Variants in RYR3 observed in about 807,000 individuals in gnomAD.
RYR3 encodes brain ryanodine receptor-calcium release channel.
In RYR3, 207 loss-of-function variants were observed where a neutral mutation model predicts 584.3. The ratio of observed to expected loss-of-function variants is 0.35; its 90% CI spans 0.32 to 0.40. The LOEUF (loss-of-function observed/expected upper bound fraction) is 0.40. Ranked by LOEUF, RYR3 falls within the 10% of genes least tolerant of loss-of-function variation. The pLI, the probability that RYR3 is intolerant of heterozygous loss-of-function variation, is 1.00. For missense variants in RYR3, 5,616 were observed against 6,089.2 expected, an observed-to-expected ratio of 0.92 and a Z score of 2.59; for synonymous variants, 2,416 against 2,248.5, an observed-to-expected ratio of 1.07 and a Z score of -2.11.
intron 16 of RYR3, among the ~76,000 whole-genome samples, chr15:33,596,443 C>G (rs1162451957): frequency 6.8e-6 from 1 of 146,330 alleles, no homozygotes; most frequent in African/African-American, 2.6e-5. Flanking sequence ...AAAATTATAA[C>G]TGAGACACTG....
intron 43 of RYR3, among the ~76,000 whole-genome samples, chr15:33,717,984 G>A (rs1030066922): frequency 6.6e-6 from 1 of 152,180 alleles, no homozygotes; most frequent in African/African-American, 2.4e-5. Flanking sequence ...AAGATGGTAT[G>A]TCCTTACTAT....
intron 45 of RYR3, among the ~76,000 whole-genome samples, chr15:33,726,052 A>T (rs956225885): frequency 1.4e-5 from 2 of 144,752 alleles, no homozygotes; most frequent in East Asian, 4.3e-4. Context: ...TGTCGTGGCC[A>T]CTGAGCACTT....
chr15:33,526,839 G>C (rs187145043), intron 3 of RYR3, among the ~76,000 whole-genome samples: 1 of 152,238 alleles, frequency 6.6e-6, no homozygotes, highest in Admixed American at 6.5e-5. Flanking sequence ...TACCACAGAA[G>C]ATAATAAAGC....
intron 95 of RYR3, 28 bp downstream of exon 95, chr15:33,853,115 C>A: frequency 6.5e-7 from 1 of 1,543,660 alleles, no homozygotes; most frequent in South Asian, 1.2e-5. Context: ...GGGTGAGTTC[C>A]GTGATCACCA....
chr15:33,793,773 A>G (rs2075306222), intron 67 of RYR3, among the ~76,000 whole-genome samples: 1 of 151,738 alleles, frequency 6.6e-6, no homozygotes, highest in African/African-American at 2.4e-5. Context: ...CCATTCTGCC[A>G]TGGGCAAGAA....
chr15:33,530,846 A>G (rs770536209), intron 4 of RYR3, among the ~76,000 whole-genome samples, 180 bp downstream of exon 4: 1 of 152,156 alleles, frequency 6.6e-6, no homozygotes, highest in African/African-American at 2.4e-5. Flanking sequence ...AATAATTGCA[A>G]TTGTGTTTTT....
chr15:33,371,798 C>T (rs891555066), intron 1 of RYR3, among the ~76,000 whole-genome samples: 5 of 152,182 alleles, frequency 3.3e-5, no homozygotes, highest in Admixed American at 1.3e-4. Flanking sequence ...ACAAGCACAT[C>T]CTGTATCCTA....
intron 10 of RYR3, among the ~76,000 whole-genome samples, chr15:33,553,819 A>G (rs567502448): frequency 1.5e-4 from 23 of 152,272 alleles, no homozygotes; most frequent in Non-Finnish European, 2.5e-4. Flanking sequence ...GAGACCTGGA[A>G]CACAATTCTT....
At chr15:33,699,056 T>TAA (rs961839310) in intron 40 of RYR3, among the ~76,000 whole-genome samples, 19 of 152,138 alleles carry the variant, frequency 1.2e-4, no homozygotes, top group Admixed American at 4.6e-4. Context: ...TTACAAGTGC[T>TAA]ATGGAATCCC....
At chr15:33,720,266 A>C (rs1466284664) in intron 43 of RYR3, among the ~76,000 whole-genome samples, 1 of 152,192 alleles carries the variant, frequency 6.6e-6, no homozygotes, top group African/African-American at 2.4e-5. Flanking sequence ...CTGTGGTCTG[A>C]GGTAGACTCT....
intron 2 of RYR3, among the ~76,000 whole-genome samples, chr15:33,482,053 G>C (rs184235238): frequency 2.0e-5 from 3 of 151,900 alleles, no homozygotes; most frequent in African/African-American, 7.2e-5. Flanking sequence ...CTCTCCTCTA[G>C]ATCCAGATTT....
chr15:33,703,418 G>T (rs773962389), intron 42 of RYR3, among the ~76,000 whole-genome samples: 5 of 152,182 alleles, frequency 3.3e-5, no homozygotes, highest in Non-Finnish European at 7.3e-5. Flanking sequence ...GTGTGCGCAG[G>T]TTTGGTTTCT....
chr15:33,714,538 T>C (rs537994289), intron 43 of RYR3, among the ~76,000 whole-genome samples: 2 of 152,278 alleles, frequency 1.3e-5, no homozygotes, highest in African/African-American at 4.8e-5. Context: ...ACAGATGTGT[T>C]TGGGTGTCTG....
chr15:33,739,736 G>C (rs746147434), intron 50 of RYR3, 96 bp from the exon 51 acceptor site: 4 of 1,012,044 alleles, frequency 4.0e-6, no homozygotes, highest in Non-Finnish European at 5.7e-6. Context: ...ATAAATGCGC[G>C]TATTTTATTT....
intron 65 of RYR3, among the ~76,000 whole-genome samples, chr15:33,782,460 G>A (rs1196789753): frequency 2.0e-5 from 3 of 152,186 alleles, no homozygotes; most frequent in African/African-American, 7.2e-5. Context: ...GACACACTAT[G>A]GGACTCTATG....
intron 1 of RYR3, among the ~76,000 whole-genome samples, chr15:33,353,159 G>A (rs1422609182): frequency 6.6e-6 from 1 of 152,164 alleles, no homozygotes; most frequent in East Asian, 1.9e-4. Context: ...AATTAGAACA[G>A]CCTAAGTCAA....
At chr15:33,383,153 T>C (rs1029171912) in intron 1 of RYR3, among the ~76,000 whole-genome samples, 2 of 151,222 alleles carry the variant, frequency 1.3e-5, no homozygotes, top group Non-Finnish European at 2.9e-5. Flanking sequence ...AGACAGTAAG[T>C]GATGGGGGTA....
chr15:33,339,650 G>A lies in RYR3; in HGVS notation c.51+28554G>A, dbSNP rs934972419. On this transcript the variant is annotated intron_variant, in intron 1 of 103. Coordinates refer to ENST00000634891, the MANE Select transcript of RYR3 (RefSeq NM_001036.6). ...CACGCCTGTAATCCCAGCACTTTGG[G>A]AGGCCGAGGCGGGCGGATCACGAGG... Among the ~76,000 whole-genome samples, 4 of 152,154 alleles carry A rather than the reference G, an allele frequency of 2.6e-5. 1 individual carries two copies. The highest frequency in any genetic ancestry group is 1.9e-4 in the East Asian group (1 of 5,182).
At chr15:33,637,251 A>C (rs986977598) in intron 27 of RYR3, among the ~76,000 whole-genome samples, 4 of 152,048 alleles carry the variant, frequency 2.6e-5, no homozygotes, top group African/African-American at 9.7e-5. Context: ...TAACAAGCTC[A>C]TTGGCTCCCA....
Sources: gnomAD v4.1 joint callset for allele counts (sites outside exome capture counted in the v4.1 genomes callset) on GRCh38, gnomAD v4.1.1 for gene constraint, MANE v1.5 for transcripts, NCBI Gene and HGNC (gene_info 2026-07-23, HGNC 2026-07-21) for gene names.